Variants in ARHGAP28 observed in about 807,000 individuals in gnomAD.
The protein encoded by ARHGAP28 is Rho GTPase activating protein 28.
A neutral mutation model predicts 90.7 loss-of-function variants in ARHGAP28; 56 were observed. The ratio of observed to expected loss-of-function variants is 0.62; its 90% CI spans 0.50 to 0.77. The LOEUF is 0.77. ARHGAP28 is among the 30% of genes least tolerant of loss of function. The probability of loss-of-function intolerance (pLI) is 0.00; values close to 1 mark genes in which losing one functional copy is unlikely to be tolerated. For missense variants in ARHGAP28, 869 were observed against 900.9 expected, an observed-to-expected ratio of 0.96 and a Z score of 0.45; for synonymous variants, 308 against 323.3, an observed-to-expected ratio of 0.95 and a Z score of 0.51.
At chr18:6,757,954 T>A (rs1460014439) in intron 1 of ARHGAP28, among the ~76,000 whole-genome samples, 1 of 152,192 alleles carries the variant, frequency 6.6e-6, no homozygotes, top group Non-Finnish European at 1.5e-5. Context: ...CAGCATGGTT[T>A]CCCTGAGACT....
intron 3 of ARHGAP28, among the ~76,000 whole-genome samples, chr18:6,841,133 CCTCTCTCACTG>C (rs2056806018): frequency 1.5e-4 from 22 of 147,742 alleles, no homozygotes; most frequent in Middle Eastern, 3.6e-3. Flanking sequence ...CTCTCTCTCT[CCTCTCTCACTG>C]TCTCTCTCCT....
At chr18:6,838,764 C>G (rs757895537) in intron 3 of ARHGAP28, among the ~76,000 whole-genome samples, 2 of 152,140 alleles carry the variant, frequency 1.3e-5, no homozygotes, top group African/African-American at 2.4e-5. Flanking sequence ...ATTTTGAGTT[C>G]TGAGCTATTT....
rs1174906614 is a variant in ARHGAP28, at chr18:6,850,969, G to A, written c.544-65G>A. 7 of 1,594,758 alleles carry A rather than the reference G, an allele frequency of 4.4e-6. No homozygotes were observed. The East Asian group carries it at 1.6e-4, about 36-fold the overall frequency. On this transcript the variant is annotated intron_variant, in intron 3 of 17. Coordinates refer to ENST00000383472, the MANE Select transcript of ARHGAP28 (RefSeq NM_001366230.1). Reference sequence around the variant, plus strand: ...ATAAAAACTCTAGTGTAATGCATGTGTGAATACGCAGTCATATTTGGAAAG... The same window carrying A: ...ATAAAAACTCTAGTGTAATGCATGTATGAATACGCAGTCATATTTGGAAAG...
At chr18:6,863,498 T>A (rs936582297) in intron 5 of ARHGAP28, among the ~76,000 whole-genome samples, 1 of 151,616 alleles carries the variant, frequency 6.6e-6, no homozygotes, top group Non-Finnish European at 1.5e-5. Context: ...CTGTAGAATT[T>A]GATTCACTAC....
At chr18:6,784,724 G>T (rs1472590571) in intron 1 of ARHGAP28, among the ~76,000 whole-genome samples, 2 of 152,160 alleles carry the variant, frequency 1.3e-5, no homozygotes, top group Non-Finnish European at 2.9e-5. Flanking sequence ...GGAAACAAAG[G>T]CCAAAGTTAT....
At chr18:6,811,432 G>C (rs1313206688) in intron 1 of ARHGAP28, among the ~76,000 whole-genome samples, 1 of 152,132 alleles carries the variant, frequency 6.6e-6, no homozygotes, top group Non-Finnish European at 1.5e-5. Context: ...AATAGACCTA[G>C]CCACTCTTCC....
At chr18:6,744,854 T>C (rs1261695276) in intron 1 of ARHGAP28, among the ~76,000 whole-genome samples, 1 of 152,146 alleles carries the variant, frequency 6.6e-6, no homozygotes, top group Non-Finnish European at 1.5e-5. Context: ...CACTTTATTT[T>C]ATTTATGTTT....
At chr18:6,869,253 CTTTTTTTT>C (rs61280250) in intron 6 of ARHGAP28, among the ~76,000 whole-genome samples, 5 of 68,046 alleles carry the variant, frequency 7.3e-5, no homozygotes, top group Admixed American at 3.8e-4. Flanking sequence ...TTTTGCCATT[CTTTTTTTT>C]TTTTTTTTTT....
intron 1 of ARHGAP28, among the ~76,000 whole-genome samples, chr18:6,779,529 A>T (rs9950848): frequency 0.094 from 14,301 of 152,174 alleles, 973 homozygotes; most frequent in East Asian, 0.35. Context: ...TTCCATTTTG[A>T]TTTCATCAGA....
chr18:6,861,886 AG>A (rs1228308200), intron 5 of ARHGAP28, among the ~76,000 whole-genome samples: 1 of 152,216 alleles, frequency 6.6e-6, no homozygotes, highest in Non-Finnish European at 1.5e-5. Context: ...GAGAAAGAAA[AG>A]GGTCTTGTGT....
Position 6,782,574 on chromosome 18 carries a change from C to T in ARHGAP28, c.123-42188C>T, listed in dbSNP as rs148608258. ...CTAGGATTACAGGCACCTGCCATCA[C>T]GCCCAGCTAATTTTTGTATTTTTTT... is the stretch of plus-strand genomic sequence containing the variant. On this transcript the variant is annotated intron_variant, in intron 1 of 17. Coordinates refer to ENST00000383472, the MANE Select transcript of ARHGAP28 (RefSeq NM_001366230.1). Among the ~76,000 whole-genome samples, 818 of 144,438 alleles carry T rather than the reference C, an allele frequency of 5.7e-3. 5 individuals are homozygous for T. Among genetic ancestry groups the T allele is most frequent in the African/African-American group, 0.02 (769 of 38,804 alleles). The allele number at this position is 144,438 out of a possible 152,430, so 94.8% of individuals were successfully genotyped here.
intron 14 of ARHGAP28, 84 bp downstream of exon 14, chr18:6,890,627 A>G: frequency 4.0e-6 from 3 of 751,178 alleles, no homozygotes. Context: ...CTTGTCATTT[A>G]GAACCAAGCA....
At chr18:6,834,866 C>T (rs997721817) in intron 2 of ARHGAP28, among the ~76,000 whole-genome samples, 11 of 152,024 alleles carry the variant, frequency 7.2e-5, no homozygotes, top group South Asian at 2.1e-4. Context: ...TGGTGGGTTT[C>T]GTGTGTTGAA....
At chr18:6,764,154 T>C (rs1357665785) in intron 1 of ARHGAP28, among the ~76,000 whole-genome samples, 1 of 152,182 alleles carries the variant, frequency 6.6e-6, no homozygotes, top group African/African-American at 2.4e-5. Context: ...AGTAGCTCAA[T>C]TACTGAATTG....
At chr18:6,753,238 G>C (rs1472573789) in intron 1 of ARHGAP28, among the ~76,000 whole-genome samples, 1 of 152,158 alleles carries the variant, frequency 6.6e-6, no homozygotes, top group Non-Finnish European at 1.5e-5. Context: ...TTATTTTCAG[G>C]ACAATATTGT....
chr18:6,756,034 T>C (rs73938284), intron 1 of ARHGAP28, among the ~76,000 whole-genome samples: 2,875 of 152,274 alleles, frequency 0.019, 107 homozygotes, highest in East Asian at 0.11. Flanking sequence ...AGCCAGACTG[T>C]TGGATTGGGA....
chr18:6,734,693 C>T (rs11874464), intron 1 of ARHGAP28, among the ~76,000 whole-genome samples: 37,713 of 152,056 alleles, frequency 0.25, 5,420 homozygotes, highest in African/African-American at 0.39. Flanking sequence ...AAAACATTTA[C>T]TTCCAGGTGC....
chr18:6,873,586 G>C lies in ARHGAP28; in HGVS notation c.1120+12G>C, dbSNP rs1165282019. 1 of 1,612,088 alleles carries C rather than the reference G, an allele frequency of 6.2e-7. No individual in the cohort carries two copies. The highest frequency in any genetic ancestry group is 8.5e-7 in the Non-Finnish European group (1 of 1,179,448). Reference sequence around the variant, plus strand: ...AGTAAAAGGACGAGGTAACTAAGAAGACTGATTGCTTCTGGCTTTAACACT... The same window carrying C: ...AGTAAAAGGACGAGGTAACTAAGAACACTGATTGCTTCTGGCTTTAACACT... On this transcript the variant is annotated intron_variant, in intron 8 of 17. Transcript: ENST00000383472.
intron 10 of ARHGAP28, among the ~76,000 whole-genome samples, chr18:6,880,107 T>G (rs1243081482): frequency 6.6e-6 from 1 of 152,224 alleles, no homozygotes; most frequent in Admixed American, 6.5e-5. Flanking sequence ...TTTGCTTTAC[T>G]GCAGTGGTAC....
Sources: allele counts gnomAD v4.1 joint callset (sites outside exome capture counted in the v4.1 genomes callset), GRCh38; gene constraint gnomAD v4.1.1; transcripts MANE v1.5; gene names NCBI Gene and HGNC (gene_info 2026-07-23, HGNC 2026-07-21).